The following NDUFB5 variants were observed in gnomAD, a reference collection of about 807,000 sequenced individuals.
NDUFB5 encodes the protein NADH dehydrogenase [ubiquinone] 1 beta subcomplex subunit 5, mitochondrial.
In NDUFB5, 19 loss-of-function variants were observed where a neutral mutation model predicts 19.4. The ratio of observed to expected loss-of-function variants is 0.98; its 90% CI spans 0.68 to 1.43. The LOEUF (loss-of-function observed/expected upper bound fraction) is 1.43. Ranked by LOEUF, NDUFB5 falls within the 40% of genes most tolerant of loss-of-function variation. The pLI, the probability that NDUFB5 is intolerant of heterozygous loss-of-function variation, is 0.00. For synonymous variants in NDUFB5, 80 were observed against 82.6 expected, an observed-to-expected ratio of 0.97 and a Z score of 0.17; for missense variants, 233 against 236.5, an observed-to-expected ratio of 0.99 and a Z score of 0.10.
chr3:179,617,202 A>G, intron 4 of NDUFB5, 158 bp downstream of exon 4: 1 of 484,098 alleles, frequency 2.1e-6, no homozygotes, highest in South Asian at 2.7e-5. Flanking sequence ...CAGTGGCGCG[A>G]TTTCAGCTCA....
At chr3:179,613,143 T>C (rs1394752989) in intron 1 of NDUFB5, among the ~76,000 whole-genome samples, 2 of 152,012 alleles carry the variant, frequency 1.3e-5, no homozygotes, top group African/African-American at 4.8e-5. Flanking sequence ...TTTCTAAGAC[T>C]CGACAAGTCA....
chr3:179,617,203 T>TGGTC, intron 4 of NDUFB5, 159 bp downstream of exon 4: 4 of 486,128 alleles, frequency 8.2e-6, no homozygotes, highest in Non-Finnish European at 1.4e-5. Context: ...AGTGGCGCGA[T>TGGTC]TTCAGCTCAC....
chr3:179,618,598 A>G (rs1215185361), intron 5 of NDUFB5, 77 bp downstream of exon 5: 2 of 970,336 alleles, frequency 2.1e-6, no homozygotes, highest in Non-Finnish European at 3.2e-6. Context: ...TAATAAAACT[A>G]TGAATATTTC....
chr3:179,622,160 T>C (rs542395563), intron 5 of NDUFB5, among the ~76,000 whole-genome samples: 13 of 152,112 alleles, frequency 8.5e-5, no homozygotes, highest in African/African-American at 3.1e-4. Context: ...TTTTTGTTTG[T>C]TTGTTTGTTT....
At chr3:179,619,262 G>A (rs1265650520) in intron 5 of NDUFB5, among the ~76,000 whole-genome samples, 3 of 141,744 alleles carry the variant, frequency 2.1e-5, no homozygotes, top group African/African-American at 7.9e-5. Context: ...ATGCAGGTTA[G>A]TTATGTATAC....
chr3:179,621,680 G>T (rs373485708), intron 5 of NDUFB5, among the ~76,000 whole-genome samples: 1 of 151,388 alleles, frequency 6.6e-6, no homozygotes, highest in Non-Finnish European at 1.5e-5. Flanking sequence ...AGTAGAGACC[G>T]GGTTTTGCCA....
intron 1 of NDUFB5, among the ~76,000 whole-genome samples, chr3:179,608,705 T>A (rs1719165407): frequency 6.6e-6 from 1 of 152,196 alleles, no homozygotes; most frequent in South Asian, 2.1e-4. Context: ...GGAGCCTTAG[T>A]AAATTTACTT....
At chr3:179,609,537 G>T (rs776360341) in intron 1 of NDUFB5, among the ~76,000 whole-genome samples, 5 of 152,200 alleles carry the variant, frequency 3.3e-5, no homozygotes, top group Non-Finnish European at 7.4e-5. Context: ...TGTTGTGCCT[G>T]TGGGTTGCCT....
intron 5 of NDUFB5, among the ~76,000 whole-genome samples, chr3:179,623,535 A>G (rs981206568): frequency 2.0e-5 from 3 of 152,132 alleles, no homozygotes; most frequent in Non-Finnish European, 4.4e-5. Flanking sequence ...TTAGCTGGGC[A>G]TGGTGGTGGG....
intron 1 of NDUFB5, among the ~76,000 whole-genome samples, chr3:179,606,863 G>T (rs527642042): frequency 5.3e-5 from 8 of 152,224 alleles, no homozygotes; most frequent in African/African-American, 1.7e-4. Context: ...ATATACATAG[G>T]GATTTGCTGG....
chr3:179,619,214 T>C lies in NDUFB5; in HGVS notation c.449+693T>C, dbSNP rs1161037516. Among the ~76,000 whole-genome samples the C allele has an allele frequency of 1.7e-3, 250 of 147,806 alleles. 1 individual carries two copies. Among genetic ancestry groups the C allele is most frequent in the African/African-American group, 6.1e-3 (235 of 38,582 alleles). On this transcript the variant is annotated intron_variant, in intron 5 of 5. Coordinates refer to ENST00000259037, the MANE Select transcript of NDUFB5 (RefSeq NM_002492.4). ...AGTGCCTGTTTTTTTTTTTTTTTTTTTAATTATACTTTAAGTTTTAGGGTA... is the reference window on the plus strand; with the variant it reads ...AGTGCCTGTTTTTTTTTTTTTTTTTCTAATTATACTTTAAGTTTTAGGGTA...
At chr3:179,605,607 A>C (rs552425310) in intron 1 of NDUFB5, among the ~76,000 whole-genome samples, 1 of 151,802 alleles carries the variant, frequency 6.6e-6, no homozygotes, top group Admixed American at 6.6e-5. Context: ...TTAGGGGTCT[A>C]CGAAAGTCTT....
intron 5 of NDUFB5, among the ~76,000 whole-genome samples, chr3:179,623,537 G>T (rs1719588532): frequency 6.6e-6 from 1 of 152,168 alleles, no homozygotes; most frequent in Admixed American, 6.6e-5. Context: ...AGCTGGGCAT[G>T]GTGGTGGGCC....
chr3:179,606,348 AT>A (rs913754263), intron 1 of NDUFB5, among the ~76,000 whole-genome samples: 29 of 151,596 alleles, frequency 1.9e-4, no homozygotes, highest in Non-Finnish European at 3.5e-4. Context: ...TTTTATTTTT[AT>A]TTTTTTCAAG....
intron 1 of NDUFB5, among the ~76,000 whole-genome samples, chr3:179,612,225 G>GTAAT (rs1719260910): frequency 6.6e-6 from 1 of 151,242 alleles, no homozygotes; most frequent in African/African-American, 2.4e-5. Context: ...GGTGCGTGAT[G>GTAAT]TAATCCCAGT....
intron 4 of NDUFB5, chr3:179,617,568 A>T (rs1284485041): frequency 6.5e-6 from 1 of 152,740 alleles, no homozygotes; most frequent in African/African-American, 2.4e-5. Context: ...TTAAAGAATG[A>T]TTGCAGTGTG....
chr3:179,619,696 T>A (rs1409862606), intron 5 of NDUFB5, among the ~76,000 whole-genome samples: 16 of 152,190 alleles, frequency 1.1e-4, no homozygotes, highest in Admixed American at 1.0e-3. Flanking sequence ...TGATTTATAA[T>A]CCTTTGGGTA....
intron 1 of NDUFB5, among the ~76,000 whole-genome samples, chr3:179,611,051 A>G (rs1719226834): frequency 6.6e-6 from 1 of 152,158 alleles, no homozygotes; most frequent in Non-Finnish European, 1.5e-5. Flanking sequence ...GAAAAGGCAA[A>G]TAAAGGAAAG....
intron 3 of NDUFB5, among the ~76,000 whole-genome samples, chr3:179,616,395 A>G (rs1044079801): frequency 6.6e-6 from 1 of 152,050 alleles, no homozygotes; most frequent in African/African-American, 2.4e-5. Flanking sequence ...ACAAAAAACT[A>G]GCTGGGCGTG....
Sources: allele counts gnomAD v4.1 joint callset (sites outside exome capture counted in the v4.1 genomes callset), GRCh38; gene constraint gnomAD v4.1.1; transcripts MANE v1.5; gene names NCBI Gene and HGNC (gene_info 2026-07-23, HGNC 2026-07-21).